CUX1: variants seen among roughly 807,000 people sequenced by gnomAD.
CUX1 encodes cut like homeobox 1.
In CUX1, 31 loss-of-function variants were observed where a neutral mutation model predicts 158.8. The ratio of observed to expected loss-of-function variants is 0.20; its 90% CI spans 0.15 to 0.26. CUX1 has a LOEUF of 0.26. Ranked by LOEUF, CUX1 falls within the 10% of genes least tolerant of loss-of-function variation. CUX1 has a pLI of 1.00. For missense variants in CUX1, 1,589 were observed against 2,014.6 expected (o/e 0.79, Z 4.04); for synonymous variants, 879 against 862.1 (o/e 1.02, Z -0.34).
chr7:101,824,529 T>C (rs73183694), intron 1 of CUX1: 23,207 of 152,260 alleles, frequency 0.15, 1,900 homozygotes, highest in Non-Finnish European at 0.18. Context: ...TAGCAGATGA[T>C]ACCAAAGGTA....
chr7:102,090,688 C>CTT (rs34834342), intron 4 of CUX1, among the ~76,000 whole-genome samples: 2,317 of 136,468 alleles, frequency 0.017, 51 homozygotes, highest in African/African-American at 0.054. Flanking sequence ...CACCCCGCCT[C>CTT]TTTTTTTTTT....
chr7:102,208,959 C>CT (rs1796233760), intron 20 of CUX1, among the ~76,000 whole-genome samples: 1 of 152,190 alleles, frequency 6.6e-6, no homozygotes, highest in Non-Finnish European at 1.5e-5. Flanking sequence ...TAGGCAGGGA[C>CT]TTTGGACAAC....
At chr7:102,204,233 C>T (rs1397240164) in intron 18 of CUX1, among the ~76,000 whole-genome samples, 158 bp from the exon 19 acceptor site, 1 of 152,228 alleles carries the variant, frequency 6.6e-6, no homozygotes, top group Non-Finnish European at 1.5e-5. Context: ...AATGCATATT[C>T]CCTGCCCACA....
At chr7:101,891,806 T>C (rs1383383963) in intron 1 of CUX1, among the ~76,000 whole-genome samples, 2 of 152,220 alleles carry the variant, frequency 1.3e-5, no homozygotes, top group Non-Finnish European at 2.9e-5. Flanking sequence ...TTTATTTTCT[T>C]CTCTAAATTT....
At chr7:102,205,295 A>T (rs1425515780) in intron 20 of CUX1, 125 bp downstream of exon 20, 4 of 713,058 alleles carry the variant, frequency 5.6e-6, no homozygotes, top group African/African-American at 1.8e-5. Flanking sequence ...GAGCTGAAAT[A>T]TGGCATCCTA....
intron 2 of CUX1, among the ~76,000 whole-genome samples, chr7:101,931,977 T>C (rs539324545): frequency 1.3e-5 from 2 of 152,358 alleles, no homozygotes; most frequent in East Asian, 3.9e-4. Flanking sequence ...CATTCATAGG[T>C]GAATTTCATT....
At chr7:102,087,720 T>G (rs1198592543) in intron 4 of CUX1, among the ~76,000 whole-genome samples, 1 of 152,248 alleles carries the variant, frequency 6.6e-6, no homozygotes, top group Non-Finnish European at 1.5e-5. Flanking sequence ...TTACTGATTT[T>G]ACTTCTACCT....
chr7:101,826,169 C>G (rs1793271477), intron 1 of CUX1, among the ~76,000 whole-genome samples: 1 of 152,050 alleles, frequency 6.6e-6, no homozygotes, highest in Non-Finnish European at 1.5e-5. Flanking sequence ...TACATCTGAG[C>G]TTCAAGCCTA....
chr7:102,130,393 A>G (rs983468915), intron 8 of CUX1, among the ~76,000 whole-genome samples: 1 of 152,136 alleles, frequency 6.6e-6, no homozygotes, highest in African/African-American at 2.4e-5. Context: ...AAAATTATGT[A>G]GTGTTGGCCG....
intron 17 of CUX1, chr7:102,277,925 C>CCGTGCA: frequency 9.6e-7 from 1 of 1,037,300 alleles, no homozygotes; most frequent in Non-Finnish European, 1.4e-6. Flanking sequence ...TCCCCCACCC[C>CCGTGCA]TTTCCTTGCC....
chr7:102,085,434 T>A (rs1442188558), intron 4 of CUX1, among the ~76,000 whole-genome samples: 1 of 152,168 alleles, frequency 6.6e-6, no homozygotes, highest in Non-Finnish European at 1.5e-5. Context: ...AATTGAATCA[T>A]GGGGGTGGTT....
intron 20 of CUX1, chr7:102,281,720 C>T (rs1792081638): frequency 1.4e-6 from 1 of 705,484 alleles, no homozygotes; most frequent in East Asian, 2.7e-5. Context: ...GAATAGGGGC[C>T]CCAGCTTCCT....
rs181907661 is a variant in CUX1, at chr7:102,113,363, A to G, written c.607+1589A>G. ...AAGTGATTCTTCTGCCCCAGGTTCA[A>G]GTGATTTTCCTGCCTCAGCCTCCCG... is the stretch of plus-strand genomic sequence containing the variant. On this transcript the variant is annotated intron_variant, in intron 7 of 23. Coordinates refer to ENST00000292535, the MANE Select transcript of CUX1 (RefSeq NM_181552.4). 6.6e-3 allele frequency among the ~76,000 whole-genome samples: 1,011 copies of G among 152,122 alleles called. 14 individuals are homozygous for G. The highest frequency in any genetic ancestry group is 0.023 in the African/African-American group (936 of 41,494).
At chr7:101,852,719 C>T (rs988436328) in intron 1 of CUX1, among the ~76,000 whole-genome samples, 12 of 128,866 alleles carry the variant, frequency 9.3e-5, no homozygotes, top group African/African-American at 3.2e-4. Context: ...TCTTGTTGCC[C>T]ATGCTGGAGT....
At chr7:102,204,702 TG>T in intron 19 of CUX1, 146 bp downstream of exon 19, 1 of 1,078,004 alleles carries the variant, frequency 9.3e-7, no homozygotes, top group Non-Finnish European at 1.3e-6. Flanking sequence ...GGGCTGGTGC[TG>T]GGGGACAGAA....
At position 102,078,323 on chromosome 7, in the gene CUX1, G is replaced by T. The variant is rs11772547; in HGVS notation, c.268+7906G>T. Among the ~76,000 whole-genome samples, 6 of 152,070 alleles carry T rather than the reference G, an allele frequency of 3.9e-5. No individual in the cohort carries two copies. The East Asian group carries it at 9.6e-4, about 24-fold the overall frequency. ...ACTCCTAGGCTCAAGCAATCCTCCCGCCTCGGCCTCCCAAAGTGCTGAGAT... is the reference window on the plus strand; with the variant it reads ...ACTCCTAGGCTCAAGCAATCCTCCCTCCTCGGCCTCCCAAAGTGCTGAGAT... On this transcript the variant is annotated intron_variant, in intron 4 of 23. Coordinates refer to ENST00000292535, the MANE Select transcript of CUX1 (RefSeq NM_181552.4).
chr7:101,865,010 T>C (rs1797804917), intron 1 of CUX1, among the ~76,000 whole-genome samples: 1 of 152,254 alleles, frequency 6.6e-6, no homozygotes, highest in South Asian at 2.1e-4. Context: ...TATATCTTTT[T>C]TTTAAATGTT....
At chr7:102,271,894 C>T (rs1007679562) in intron 14 of CUX1, among the ~76,000 whole-genome samples, 2 of 152,150 alleles carry the variant, frequency 1.3e-5, no homozygotes, top group African/African-American at 2.4e-5. Flanking sequence ...CGGTGGCAGG[C>T]GCCTGTAATC....
chr7:102,093,376 G>C (rs1009071650), intron 4 of CUX1, among the ~76,000 whole-genome samples: 42 of 152,222 alleles, frequency 2.8e-4, no homozygotes, highest in African/African-American at 9.1e-4. Context: ...TCCAGAGACA[G>C]GGTCTCACTT....
Sources: allele counts gnomAD v4.1 joint callset (sites outside exome capture counted in the v4.1 genomes callset), GRCh38; gene constraint gnomAD v4.1.1; transcripts MANE v1.5; gene names NCBI Gene and HGNC (gene_info 2026-07-23, HGNC 2026-07-21).